PTPRD: variants seen among roughly 807,000 people sequenced by gnomAD.
PTPRD encodes protein tyrosine phosphatase receptor type D, also known as receptor-type tyrosine-protein phosphatase delta.
A neutral mutation model predicts 214.5 loss-of-function variants in PTPRD; 34 were observed. That is an observed-to-expected ratio of 0.16 (90% confidence interval 0.12 to 0.21). PTPRD has a LOEUF of 0.21. Ranked by LOEUF, PTPRD falls within the 10% of genes least tolerant of loss-of-function variation. The pLI is 1.00. For synonymous variants in PTPRD, 1,128 were observed against 845.7 expected (o/e 1.33, Z -5.79); for missense variants, 2,545 against 2,398.7 (o/e 1.06, Z -1.27).
intron 9 of PTPRD, among the ~76,000 whole-genome samples, chr9:9,211,709 C>A (rs946259498): frequency 2.6e-5 from 4 of 152,068 alleles, no homozygotes; most frequent in African/African-American, 9.7e-5. Context: ...CAATAACCAT[C>A]AAATTTTTGG....
chr9:8,570,565 A>ATT (rs137972803), intron 14 of PTPRD, among the ~76,000 whole-genome samples: 1 of 151,414 alleles, frequency 6.6e-6, no homozygotes, highest in African/African-American at 2.4e-5. Flanking sequence ...TAACAAATAC[A>ATT]TTTTTTTTTA....
chr9:9,302,216 C>A (rs542670825), intron 9 of PTPRD, among the ~76,000 whole-genome samples: 1 of 151,722 alleles, frequency 6.6e-6, no homozygotes, highest in East Asian at 1.9e-4. Context: ...CTTTTTTTCC[C>A]GAAAATATGT....
At chr9:9,856,731 G>C (rs552307988) in intron 5 of PTPRD, among the ~76,000 whole-genome samples, 2 of 152,076 alleles carry the variant, frequency 1.3e-5, no homozygotes, top group Non-Finnish European at 2.9e-5. Context: ...CTGCAGCAGC[G>C]GGATACTTTT....
At chr9:8,348,102 T>C (rs1313830481) in intron 39 of PTPRD, among the ~76,000 whole-genome samples, 1 of 152,130 alleles carries the variant, frequency 6.6e-6, no homozygotes, top group Non-Finnish European at 1.5e-5. Flanking sequence ...CAGAAAGCCA[T>C]CGGCTGAAAG....
At chr9:10,210,314 G>T (rs1043513043) in intron 3 of PTPRD, among the ~76,000 whole-genome samples, 1 of 152,058 alleles carries the variant, frequency 6.6e-6, no homozygotes, top group African/African-American at 2.4e-5. Flanking sequence ...ATGTCAGAGA[G>T]CTCAGACAAA....
chr9:10,114,641 A>C (rs993235577), intron 3 of PTPRD, among the ~76,000 whole-genome samples: 1 of 152,088 alleles, frequency 6.6e-6, no homozygotes, highest in African/African-American at 2.4e-5. Context: ...CAGATATGAA[A>C]TATAAGTGCT....
At chr9:8,389,198 T>C (rs776126270) in intron 37 of PTPRD, 34 bp downstream of exon 37, 2 of 1,560,288 alleles carry the variant, frequency 1.3e-6, no homozygotes, top group Admixed American at 3.9e-5. Flanking sequence ...GAGGGAAAAT[T>C]TTTAAAAGGA....
At chr9:9,710,729 C>G (rs191976264) in intron 7 of PTPRD, among the ~76,000 whole-genome samples, 17 of 152,058 alleles carry the variant, frequency 1.1e-4, no homozygotes, top group Non-Finnish European at 2.9e-5. Flanking sequence ...CTAATAATTT[C>G]TGAGTTGATC....
chr9:9,004,970 C>A (rs138426055), intron 11 of PTPRD, among the ~76,000 whole-genome samples: 1 of 152,088 alleles, frequency 6.6e-6, no homozygotes, highest in African/African-American at 2.4e-5. Flanking sequence ...TTTGCATTAT[C>A]CGCCAGGTGT....
chr9:8,726,591 ATAT>A (rs2098569117), intron 12 of PTPRD, among the ~76,000 whole-genome samples: 5 of 11,636 alleles, frequency 4.3e-4, no homozygotes, highest in African/African-American at 5.1e-4. Context: ...AAAAAAAAAT[ATAT>A]ATATATATAT....
intron 12 of PTPRD, among the ~76,000 whole-genome samples, chr9:8,728,399 T>C (rs1261474114): frequency 6.6e-6 from 1 of 152,250 alleles, no homozygotes; most frequent in Admixed American, 6.5e-5. Context: ...GGTCTTGCTA[T>C]GTTGTCCAGG....
rs74781213 is a variant in PTPRD at position 8,915,364 on chromosome 9, T to A, written c.-104+103333A>T. Among the ~76,000 whole-genome samples the A allele has an allele frequency of 1.4e-3, 218 of 152,146 alleles. 1 individual carries two copies. Among genetic ancestry groups the A allele is most frequent in the African/African-American group, 5.0e-3 (206 of 41,500 alleles). Reference sequence around the variant, plus strand: ...AAAGACAGAACTCTGGTGGTGACCATTGAATTTAGGTGATGTGATTTACAA... The same window carrying A: ...AAAGACAGAACTCTGGTGGTGACCAATGAATTTAGGTGATGTGATTTACAA... On this transcript the variant is annotated intron_variant, in intron 11 of 45. Transcript: ENST00000381196.
At chr9:10,320,003 A>G (rs1255519571) in intron 3 of PTPRD, among the ~76,000 whole-genome samples, 1 of 152,024 alleles carries the variant, frequency 6.6e-6, no homozygotes, top group Non-Finnish European at 1.5e-5. Context: ...ATTCTAATAA[A>G]ATGCCTAAAA....
At chr9:9,209,943 A>G (rs866858978) in intron 9 of PTPRD, among the ~76,000 whole-genome samples, 1 of 152,142 alleles carries the variant, frequency 6.6e-6, no homozygotes, top group Non-Finnish European at 1.5e-5. Context: ...GGTTCCTCCT[A>G]AACTCAGATC....
At chr9:10,100,948 T>C (rs2098546019) in intron 3 of PTPRD, among the ~76,000 whole-genome samples, 1 of 151,770 alleles carries the variant, frequency 6.6e-6, no homozygotes, top group African/African-American at 2.4e-5. Context: ...TTATTTTAAC[T>C]TGGTCTTCAT....
At chr9:10,129,101 C>T (rs2098840153) in intron 3 of PTPRD, among the ~76,000 whole-genome samples, 1 of 152,104 alleles carries the variant, frequency 6.6e-6, no homozygotes, top group Non-Finnish European at 1.5e-5. Context: ...ATTTCAACTC[C>T]TGATATGAAT....
intron 5 of PTPRD, among the ~76,000 whole-genome samples, chr9:9,814,468 G>T (rs1036673270): frequency 6.6e-6 from 1 of 152,004 alleles, no homozygotes; most frequent in East Asian, 1.9e-4. Flanking sequence ...ATAAAAAATC[G>T]TGTTGCATTT....
At chr9:8,428,631 T>C (rs2094845900) in intron 35 of PTPRD, among the ~76,000 whole-genome samples, 1 of 152,138 alleles carries the variant, frequency 6.6e-6, no homozygotes, top group Non-Finnish European at 1.5e-5. Flanking sequence ...GGGAACCACC[T>C]TCAAGAAAAA....
chr9:9,846,498 TA>T (rs2059559109), intron 5 of PTPRD, among the ~76,000 whole-genome samples: 1 of 152,156 alleles, frequency 6.6e-6, no homozygotes, highest in African/African-American at 2.4e-5. Flanking sequence ...TATTATAAAA[TA>T]AATTCTTTTC....
Sources: gnomAD v4.1 joint callset for allele counts (sites outside exome capture counted in the v4.1 genomes callset) on GRCh38, gnomAD v4.1.1 for gene constraint, MANE v1.5 for transcripts, NCBI Gene and HGNC (gene_info 2026-07-23, HGNC 2026-07-21) for gene names.